The following CBLN2 variants were observed in gnomAD, a reference collection of about 807,000 sequenced individuals.
CBLN2 encodes cerebellin 2 precursor, also known as cerebellin-2.
CBLN2 carries 7 observed loss-of-function variants against 15.0 expected under a neutral mutation model. The ratio of observed to expected loss-of-function variants is 0.47; its 90% CI spans 0.27 to 0.88. The LOEUF is 0.88. CBLN2 is among the 40% of genes least tolerant of loss of function. CBLN2 has a pLI of 0.14. For synonymous variants in CBLN2, 149 were observed against 135.2 expected (o/e 1.10, Z -0.71); for missense variants, 242 against 304.5 (o/e 0.79, Z 1.53).
At chr18:72,588,912 G>A (rs567663674) in intron 1 of CBLN2, among the ~76,000 whole-genome samples, 5 of 152,326 alleles carry the variant, frequency 3.3e-5, no homozygotes, top group Admixed American at 3.3e-4. Flanking sequence ...AAAAGTGCGC[G>A]GAGATGGGAC....
intron 1 of CBLN2, among the ~76,000 whole-genome samples, chr18:72,560,050 A>G (rs980083562): frequency 6.6e-6 from 1 of 152,196 alleles, no homozygotes; most frequent in African/African-American, 2.4e-5. Context: ...AACAGGGAAC[A>G]GGCAGAGGAG....
intron 1 of CBLN2, among the ~76,000 whole-genome samples, chr18:72,588,361 C>T (rs2069456761): frequency 6.6e-6 from 1 of 152,228 alleles, no homozygotes; most frequent in Admixed American, 6.5e-5. Context: ...TACATCTTCT[C>T]TTTTTCTTTT....
chr18:72,606,783 G>T (rs1410697801), intron 1 of CBLN2, among the ~76,000 whole-genome samples: 1 of 152,232 alleles, frequency 6.6e-6, no homozygotes, highest in African/African-American at 2.4e-5. Context: ...ACAGAAAGCT[G>T]CAGGTCTCAC....
At chr18:72,598,532 G>A (rs986165608) in intron 1 of CBLN2, among the ~76,000 whole-genome samples, 3 of 152,202 alleles carry the variant, frequency 2.0e-5, no homozygotes, top group Non-Finnish European at 4.4e-5. Flanking sequence ...GGTTATGCAA[G>A]CACTCCCTTT....
At chr18:72,583,859 T>C (rs2069423486) in intron 1 of CBLN2, among the ~76,000 whole-genome samples, 1 of 152,246 alleles carries the variant, frequency 6.6e-6, no homozygotes, top group Non-Finnish European at 1.5e-5. Context: ...TTTGAAAAGT[T>C]GCCCTGGCAA....
intron 1 of CBLN2, among the ~76,000 whole-genome samples, chr18:72,630,148 C>T (rs938919845): frequency 3.9e-5 from 6 of 151,982 alleles, no homozygotes; most frequent in African/African-American, 1.5e-4. Flanking sequence ...ACTGTCAATC[C>T]CCTGGAAGAC....
At chr18:72,577,085 G>A (rs949007691) in intron 1 of CBLN2, among the ~76,000 whole-genome samples, 78 of 147,856 alleles carry the variant, frequency 5.3e-4, no homozygotes, top group African/African-American at 1.8e-3. Flanking sequence ...AAAAGGATTC[G>A]GTCCTTAAAA....
chr18:72,637,111 A>C (rs971789815), intron 1 of CBLN2, among the ~76,000 whole-genome samples: 4 of 151,950 alleles, frequency 2.6e-5, no homozygotes, highest in African/African-American at 9.7e-5. Context: ...ATGGAAAGCA[A>C]GGGGAATTTT....
chr18:72,571,651 C>T (rs1430192155), intron 1 of CBLN2, among the ~76,000 whole-genome samples: 2 of 152,152 alleles, frequency 1.3e-5, no homozygotes, highest in Non-Finnish European at 2.9e-5. Flanking sequence ...CCACCACTGT[C>T]CGTGGCGATT....
chr18:72,602,281 G>C (rs1315154937), intron 1 of CBLN2, among the ~76,000 whole-genome samples: 3 of 152,220 alleles, frequency 2.0e-5, no homozygotes, highest in Non-Finnish European at 4.4e-5. Flanking sequence ...GGAGGGGATG[G>C]TGGACGGCAA....
chr18:72,566,626 G>C (rs1189219327), intron 1 of CBLN2, among the ~76,000 whole-genome samples: 1 of 152,158 alleles, frequency 6.6e-6, no homozygotes, highest in East Asian at 1.9e-4. Context: ...ATTCAATAGA[G>C]TGGTGGTTAC....
intron 1 of CBLN2, chr18:72,618,985 G>C: frequency 1.3e-6 from 1 of 764,628 alleles, no homozygotes; most frequent in South Asian, 1.3e-5. Context: ...TGGTGGCAGC[G>C]GGGATGGTCA....
At chr18:72,608,013 T>G (rs895213718) in intron 1 of CBLN2, among the ~76,000 whole-genome samples, 1 of 152,354 alleles carries the variant, frequency 6.6e-6, no homozygotes, top group African/African-American at 2.4e-5. Flanking sequence ...GGCTTGCAAC[T>G]TCTTATCTAT....
Position 72,543,294 on chromosome 18 carries a change from TC to T in CBLN2, c.-167+191del, listed in dbSNP as rs2069132374. 2.7e-6 allele frequency: 1 copy of T among 375,732 alleles called. No individual in the cohort carries two copies. Among genetic ancestry groups the T allele is most frequent in the Non-Finnish European group, 4.7e-6 (1 of 211,986 alleles). 23.3% of individuals were successfully genotyped at this position (375,732 alleles called of 1,614,324 possible). On this transcript the variant is annotated intron_variant, in intron 2 of 4. Transcript: ENST00000269503. The surrounding 1 kb of genome is among the most constrained non-coding windows in gnomAD (Gnocchi z 6.8). ...CCGCCCACAGCCTCCCATTAACTCT[TC>T]CAGTATTCTTTCTAAGAACAGAGAA...
intron 1 of CBLN2, among the ~76,000 whole-genome samples, chr18:72,622,927 G>A (rs1305629184): frequency 1.3e-5 from 2 of 152,110 alleles, no homozygotes; most frequent in African/African-American, 2.4e-5. Context: ...GTATTAGTCT[G>A]TTCCTGCATT....
intron 1 of CBLN2, among the ~76,000 whole-genome samples, chr18:72,567,266 GA>G (rs2069301300): frequency 6.6e-6 from 1 of 151,992 alleles, no homozygotes; most frequent in African/African-American, 2.4e-5. Context: ...ATAATAAGAA[GA>G]ACTAAACTAG....
chr18:72,593,137 TC>T, intron 1 of CBLN2, among the ~76,000 whole-genome samples: 1 of 152,280 alleles, frequency 6.6e-6, no homozygotes, highest in African/African-American at 2.4e-5. Context: ...AATATCTTTT[TC>T]TTTTTTGCTG....
At chr18:72,545,025 A>T (rs2069148466), upstream of CBLN2, among the ~76,000 whole-genome samples, 1 of 151,842 alleles carries the variant, frequency 6.6e-6, no homozygotes, top group African/African-American at 2.4e-5. Flanking sequence ...GCTGTTCATT[A>T]GAGCATCTGT....
At chr18:72,615,202 T>TTA (rs2069651329) in intron 1 of CBLN2, among the ~76,000 whole-genome samples, 1 of 137,424 alleles carries the variant, frequency 7.3e-6, no homozygotes, top group South Asian at 2.1e-4. Flanking sequence ...AAATATATAT[T>TTA]TATATATGTG....
Sources: gnomAD v4.1 joint callset for allele counts (sites outside exome capture counted in the v4.1 genomes callset) on GRCh38, gnomAD v4.1.1 for gene constraint, Gnocchi (gnomAD v3.1) non-coding constraint, MANE v1.5 for transcripts, NCBI Gene and HGNC (gene_info 2026-07-23, HGNC 2026-07-21) for gene names.